The following SNRNP48 variants were observed in gnomAD, a reference collection of about 807,000 sequenced individuals.
SNRNP48 encodes the protein small nuclear ribonucleoprotein U11/U12 subunit 48.
SNRNP48 carries 43 observed loss-of-function variants against 47.0 expected under a neutral mutation model. That is an observed-to-expected ratio of 0.92 (90% CI 0.72 to 1.18). SNRNP48 has a LOEUF of 1.18. Among genes scored for constraint, SNRNP48 ranks in the 50% most tolerant of loss-of-function variants. SNRNP48 has a pLI of 0.00. For synonymous variants in SNRNP48, 138 were observed against 144.0 expected (o/e 0.96, Z 0.30); for missense variants, 396 against 422.2 (o/e 0.94, Z 0.54).
intron 6 of SNRNP48, among the ~76,000 whole-genome samples, chr6:7,604,982 A>G (rs1412595385): frequency 2.0e-5 from 3 of 151,874 alleles, no homozygotes; most frequent in Non-Finnish European, 4.4e-5. Flanking sequence ...CATTGTTAGC[A>G]TTTTGCCACA....
intron 4 of SNRNP48, 21 bp from the exon 5 acceptor site, chr6:7,601,315 G>C (rs1760014918): frequency 1.3e-6 from 2 of 1,542,730 alleles, no homozygotes; most frequent in South Asian, 1.3e-5. Flanking sequence ...GTTTATTCTT[G>C]TGATTTTATT....
intron 6 of SNRNP48, among the ~76,000 whole-genome samples, chr6:7,602,998 G>A (rs887995746): frequency 1.3e-5 from 2 of 152,178 alleles, no homozygotes; most frequent in Non-Finnish European, 2.9e-5. Context: ...GTGTATCATG[G>A]TAAGAGCATG....
chr6:7,595,869 GCT>G (rs1759895764), intron 4 of SNRNP48, among the ~76,000 whole-genome samples: 4 of 152,186 alleles, frequency 2.6e-5, no homozygotes, highest in Non-Finnish European at 5.9e-5. Flanking sequence ...CAGCTTTAGA[GCT>G]GGGTTAAAGA....
chr6:7,601,141 T>G (rs1475089692), intron 4 of SNRNP48, 195 bp from the exon 5 acceptor site: 2 of 445,488 alleles, frequency 4.5e-6, no homozygotes, highest in East Asian at 7.8e-5. Flanking sequence ...TTTTTTTTTT[T>G]TTTGTGGATA....
rs188549910 is a variant in SNRNP48 at position 7,610,016 on chromosome 6, A to G, written c.*1143A>G. ...ATGTAAATAGAATACTGTAGTATGT[A>G]CTTTGCCTTCTTCCTCTCTGCAGAT... On this transcript the variant is annotated 3_prime_UTR_variant, in exon 9 of 9. Transcript: ENST00000342415. The G allele has an allele frequency of 6.6e-6, 1 of 152,322 alleles. No individual in the cohort carries two copies. The highest frequency in any genetic ancestry group is 2.4e-5 in the African/African-American group (1 of 41,554). The allele number at this position is 152,322 out of a possible 1,614,324, so 9.4% of individuals were successfully genotyped here.
chr6:7,597,865 CTT>C (rs148304945), intron 4 of SNRNP48, among the ~76,000 whole-genome samples: 52,109 of 123,234 alleles, frequency 0.42, 8,737 homozygotes, highest in Admixed American at 0.51. Context: ...TAACCGTAAC[CTT>C]TTTTTTTTTT....
Position 7,602,638 on chromosome 6 carries a change from G to A in SNRNP48, c.611G>A (p.Ser204Asn), listed in dbSNP as rs1760049836. The change falls in exon 6 of 9, where the codon AGT becomes AAT. Residue 204 changes from serine to asparagine, a missense_variant. Transcript: ENST00000342415. ...CTTTCATTAGACAATAGTCGAAAAAGTCCAAAATCCTACCTTGAAATCCTG... is the reference window on the plus strand; with the variant it reads ...CTTTCATTAGACAATAGTCGAAAAAATCCAAAATCCTACCTTGAAATCCTG... The part of the protein sequence containing the change: ...AKINQDNSRK[S>N]PKSYLEILAE... 1 of 1,596,810 alleles carries A rather than the reference G, an allele frequency of 6.3e-7. No homozygotes were observed. Among genetic ancestry groups the A allele is most frequent in the Non-Finnish European group, 8.5e-7 (1 of 1,173,704 alleles).
Position 7,606,045 on chromosome 6 carries a change from G to A in SNRNP48, c.821G>A (p.Arg274Gln). ...EDDAEKNEERRSASVDSRQSG... is the reference protein window; with the variant it reads ...EDDAEKNEERQSASVDSRQSG... ...CTGTGTTTTAGGAATGAAGAAAGGC[G>A]ATCAGCTTCAGTAGATTCACGGCAG... The change falls in exon 8 of 9, where the codon CGA (arginine) becomes CAA (glutamine). Residue 274 changes from arginine (R) to glutamine (Q), a missense_variant. By Grantham distance (43) the Arg-to-Gln change is conservative. Coordinates refer to ENST00000342415, the MANE Select transcript of SNRNP48 (RefSeq NM_152551.4). The A allele has an allele frequency of 2.5e-6, 4 of 1,595,948 alleles. No individual in the cohort carries two copies. Among genetic ancestry groups the A allele is most frequent in the African/African-American group, 1.4e-5 (1 of 73,424 alleles).
chr6:7,605,344 C>A, intron 6 of SNRNP48, 54 bp from the exon 7 acceptor site: 1 of 1,398,746 alleles, frequency 7.1e-7, no homozygotes, highest in Non-Finnish European at 1.0e-6. Context: ...GCGTTACAGT[C>A]TTAATTTTTT....
At position 7,605,306 on chromosome 6, in the gene SNRNP48, T is replaced by C. The variant is rs574196235; in HGVS notation, c.718-92T>C. The C allele has an allele frequency of 1.2e-4, 114 of 961,076 alleles. 1 individual carries two copies. In the African/African-American group the frequency reaches 1.7e-3, roughly 14 times the overall value. The allele number at this position is 961,076 out of a possible 1,614,324, so 59.5% of individuals were successfully genotyped here. A position where few individuals can be genotyped will look rare whatever the true frequency, so the allele number is the denominator to read the frequency against. The stretch of plus-strand genomic sequence containing the variant: ...CAATTATGTCATAGCACTTAGTAAA[T>C]ATTTGATTGTTAGCACTGATTTTTC... On this transcript the variant is annotated intron_variant, in intron 6 of 8. Coordinates refer to ENST00000342415, the MANE Select transcript of SNRNP48 (RefSeq NM_152551.4).
intron 1 of SNRNP48, 95 bp from the exon 2 acceptor site, chr6:7,593,639 A>C: frequency 1.4e-6 from 1 of 730,454 alleles, no homozygotes; most frequent in East Asian, 2.9e-5. Context: ...TGCACTATAC[A>C]GTACTGGTAC....
At chr6:7,591,784 G>A (rs1041288778) in intron 1 of SNRNP48, among the ~76,000 whole-genome samples, 23 of 152,362 alleles carry the variant, frequency 1.5e-4, no homozygotes, top group Non-Finnish European at 2.9e-4. Context: ...AAGGAACACA[G>A]AAGTGATAAT....
At chr6:7,590,701 G>A (rs1034170053) in intron 1 of SNRNP48, among the ~76,000 whole-genome samples, 1 of 152,252 alleles carries the variant, frequency 6.6e-6, no homozygotes, top group Non-Finnish European at 1.5e-5. Context: ...CCGGGGGCCG[G>A]GCGCGGTGGC....
chr6:7,609,858 G>A lies in SNRNP48; in HGVS notation c.*985G>A, dbSNP rs992581742. ...CATACCTCTGTGCAGCCACTATCAC[G>A]ATCAAGATACAAATATTTTCATTGC... is the stretch of plus-strand genomic sequence containing the variant. On this transcript the variant is annotated 3_prime_UTR_variant, in exon 9 of 9. Transcript: ENST00000342415. 5 of 152,076 alleles carry A rather than the reference G, an allele frequency of 3.3e-5. No individual in the cohort carries two copies. The highest frequency in any genetic ancestry group is 2.1e-4 in the South Asian group (1 of 4,822). 9.4% of individuals were successfully genotyped at this position (152,076 alleles called of 1,614,324 possible).
chr6:7,598,467 T>C (rs1759948935), intron 4 of SNRNP48, among the ~76,000 whole-genome samples: 1 of 152,180 alleles, frequency 6.6e-6, no homozygotes, highest in East Asian at 2.0e-4. Context: ...TGCACTCCAG[T>C]CTGGACGACA....
intron 4 of SNRNP48, among the ~76,000 whole-genome samples, chr6:7,597,664 A>C (rs984029313): frequency 4.6e-5 from 7 of 152,162 alleles, no homozygotes; most frequent in Admixed American, 1.3e-4. Flanking sequence ...ATATATGAGT[A>C]ATTTAGAAAA....
At chr6:7,601,258 G>A (rs1760013751) in intron 4 of SNRNP48, 78 bp from the exon 5 acceptor site, 2 of 1,201,332 alleles carry the variant, frequency 1.7e-6, no homozygotes, top group African/African-American at 1.6e-5. Flanking sequence ...TAAAGCACAT[G>A]TTTAAAGATA....
chr6:7,605,195 A>G (rs955503919), intron 6 of SNRNP48, among the ~76,000 whole-genome samples: 1 of 152,206 alleles, frequency 6.6e-6, no homozygotes, highest in Non-Finnish European at 1.5e-5. Flanking sequence ...CAAATTTAAT[A>G]TTGCTGTAAA....
chr6:7,603,334 A>G (rs1453742238), intron 6 of SNRNP48, among the ~76,000 whole-genome samples: 1 of 152,180 alleles, frequency 6.6e-6, no homozygotes, highest in Non-Finnish European at 1.5e-5. Flanking sequence ...TTCAGATGCC[A>G]TTTAATGGCT....
Sources: allele counts gnomAD v4.1 joint callset (sites outside exome capture counted in the v4.1 genomes callset), GRCh38; gene constraint gnomAD v4.1.1; transcripts MANE v1.5; gene names NCBI Gene and HGNC (gene_info 2026-07-23, HGNC 2026-07-21).